The following VWF variants were observed in gnomAD, a reference collection of about 807,000 sequenced individuals.
VWF encodes Factor VIII related antigen.
VWF carries 176 observed loss-of-function variants against 308.6 expected under a neutral mutation model. That is an observed-to-expected ratio of 0.57 (90% confidence interval 0.50 to 0.65). VWF has a LOEUF of 0.65. Ranked by LOEUF, VWF falls within the 30% of genes least tolerant of loss-of-function variation. The pLI, the probability that VWF is intolerant of heterozygous loss-of-function variation, is 0.00. For missense variants in VWF, 3,146 were observed against 3,648.2 expected, an observed-to-expected ratio of 0.86 and a Z score of 3.55; for synonymous variants, 1,385 against 1,443.4, an observed-to-expected ratio of 0.96 and a Z score of 0.92.
At chr12:6,090,554 G>A (rs975097411) in intron 6 of VWF, among the ~76,000 whole-genome samples, 8 of 152,136 alleles carry the variant, frequency 5.3e-5, no homozygotes, top group African/African-American at 1.9e-4. Context: ...GGGCACTCCA[G>A]CGGAAAACAC....
At chr12:6,108,797 C>T (rs1166707230) in intron 5 of VWF, among the ~76,000 whole-genome samples, 2 of 152,012 alleles carry the variant, frequency 1.3e-5, no homozygotes, top group Admixed American at 6.6e-5. Flanking sequence ...CTGGCTAACA[C>T]AGTGAAACCC....
At chr12:6,100,030 T>C (rs1591917413) in intron 5 of VWF, among the ~76,000 whole-genome samples, 2 of 151,282 alleles carry the variant, frequency 1.3e-5, no homozygotes, top group Admixed American at 1.3e-4. Flanking sequence ...TACAATGAAC[T>C]CAAACAAATT....
rs138966048 is a variant in VWF at position 6,018,960 on chromosome 12, C to T, written c.4458G>A (p.Ser1486=). The T allele has an allele frequency of 5.2e-5, 84 of 1,613,770 alleles. No homozygotes were observed. Among genetic ancestry groups the T allele is most frequent in the Middle Eastern group, 1.6e-4 (1 of 6,078 alleles). ...TGGAGTTCCTCTTGGGCCCCAGGGT[C>T]GAAACCCCCAAGAGCCCCGGGCCCA... ...VTVGPGLLGV[S]TLGPKRNSMV... is the part of the protein sequence containing the mutation. Residue 1486 remains serine (S), a synonymous_variant, in exon 28 of 52, where the codon TCG becomes TCA. Coordinates refer to ENST00000261405, the MANE Select transcript of VWF (RefSeq NM_000552.5).
chr12:6,025,380 G>A (rs1944178958), intron 24 of VWF, among the ~76,000 whole-genome samples, 200 bp downstream of exon 24: 1 of 152,216 alleles, frequency 6.6e-6, no homozygotes, highest in Non-Finnish European at 1.5e-5. Flanking sequence ...GTTTTGCCAG[G>A]CATTGCTTCC....
At position 6,065,223 on chromosome 12, in the gene VWF, A is replaced by G; in HGVS notation, c.1207T>C (p.Tyr403His). 3.7e-6 allele frequency: 6 copies of G among 1,614,168 alleles called. No individual in the cohort carries two copies. Among genetic ancestry groups the G allele is most frequent in the Non-Finnish European group, 5.1e-6 (6 of 1,180,020 alleles). The change falls in exon 11 of 52, where the codon TAC becomes CAC. Residue 403 changes from tyrosine to histidine, a missense_variant. Physicochemically the swap from Tyr to His is moderately conservative, Grantham distance 83. This residue lies in a region of VWF where 1,304 missense variants were observed against 1,353.0 expected (regional missense o/e 0.96). Coordinates refer to ENST00000261405, the MANE Select transcript of VWF (RefSeq NM_000552.5). ...QSHFKSFDNRYFTFSGICQYL... is the reference protein window; with the variant it reads ...QSHFKSFDNRHFTFSGICQYL... ...TGGCAGATCCCACTGAAGGTGAAGT[A>G]TCTGTTGTCAAAGCTCTTGAAGTGT...
intron 22 of VWF, among the ~76,000 whole-genome samples, chr12:6,027,232 C>A (rs759784300): frequency 6.6e-6 from 1 of 152,122 alleles, no homozygotes; most frequent in Non-Finnish European, 1.5e-5. Flanking sequence ...GCCACACTGA[C>A]CTCCTTGTAC....
At chr12:6,000,922 G>GTCATAGAT (rs1943866592) in intron 34 of VWF, among the ~76,000 whole-genome samples, 1 of 151,006 alleles carries the variant, frequency 6.6e-6, no homozygotes, top group Non-Finnish European at 1.5e-5. Flanking sequence ...TATTTATATA[G>GTCATAGAT]TCATAGATCT....
chr12:5,981,153 A>C (rs544876584), intron 42 of VWF, among the ~76,000 whole-genome samples: 1 of 152,322 alleles, frequency 6.6e-6, no homozygotes, highest in East Asian at 1.9e-4. Context: ...TTGCTTAGTA[A>C]ATATTGGATG....
intron 39 of VWF, 39 bp downstream of exon 39, chr12:5,985,524 G>C (rs777977658): frequency 9.4e-6 from 15 of 1,599,334 alleles, no homozygotes; most frequent in Non-Finnish European, 1.3e-5. Context: ...AGGGGCCCTT[G>C]TTCCTCCATG....
At chr12:6,021,806 G>T (rs1334616494) in intron 27 of VWF, 94 bp downstream of exon 27, 3 of 1,448,256 alleles carry the variant, frequency 2.1e-6, no homozygotes, top group Admixed American at 1.7e-5. Flanking sequence ...CAACTCATGT[G>T]GCTAGGACTT....
chr12:5,953,643 T>C, intron 47 of VWF, 49 bp from the exon 48 acceptor site: 3 of 1,483,068 alleles, frequency 2.0e-6, no homozygotes, highest in Non-Finnish European at 2.8e-6. Flanking sequence ...CCTTAAAACA[T>C]CCCAATTGTA....
intron 42 of VWF, among the ~76,000 whole-genome samples, chr12:5,981,137 T>C (rs216865): frequency 0.61 from 92,122 of 152,196 alleles, 28,560 homozygotes; most frequent in Admixed American, 0.69. Flanking sequence ...TGTTAGAACA[T>C]AGTAGTTGCT....
At chr12:6,043,069 T>G (rs1944411349) in intron 18 of VWF, among the ~76,000 whole-genome samples, 1 of 152,206 alleles carries the variant, frequency 6.6e-6, no homozygotes, top group Non-Finnish European at 1.5e-5. Flanking sequence ...GATATCCACC[T>G]TCTGCTAAGG....
rs367805879 is a variant in VWF, at chr12:5,994,242, G to A, written c.6257-39C>T. 8 of 1,610,902 alleles carry A rather than the reference G, an allele frequency of 5.0e-6. No homozygotes were observed. In the African/African-American group the frequency reaches 6.7e-5, roughly 13 times the overall value. On this transcript the variant is annotated intron_variant, in intron 36 of 51. Coordinates refer to ENST00000261405, the MANE Select transcript of VWF (RefSeq NM_000552.5). Reference sequence around the variant, plus strand: ...CAAACAAAAAAAAGATAAACTGAGTGGCCCTGGGTACAAAAACATTGATGC... The same window carrying A: ...CAAACAAAAAAAAGATAAACTGAGTAGCCCTGGGTACAAAAACATTGATGC...
chr12:6,057,658 TA>T (rs1944601893), intron 14 of VWF, among the ~76,000 whole-genome samples, 190 bp downstream of exon 14: 1 of 147,758 alleles, frequency 6.8e-6, no homozygotes, highest in Non-Finnish European at 1.5e-5. Context: ...GGGCGCCCAA[TA>T]AAGGGACTTT....
chr12:6,076,451 G>A (rs1031961913), intron 6 of VWF, among the ~76,000 whole-genome samples: 2 of 152,190 alleles, frequency 1.3e-5, no homozygotes, highest in African/African-American at 4.8e-5. Context: ...ACAGAACAAT[G>A]GTGTGTCTTA....
In VWF at chr12:6,025,946, T is replaced by C; in HGVS notation, c.3068A>G (p.Asn1023Ser). ...QVEEDPVDFG[N>S]SWKVSSQCAD... is the part of the protein sequence containing the mutation. ...ACACTGCGAGCTCACTTTCCAGGAG[T>C]TCCCAAAGTCCACAGGGTCTTCCTC... is the stretch of plus-strand genomic sequence containing the variant. The change falls in exon 23 of 52, where the codon AAC (asparagine) becomes AGC (serine). Residue 1023 changes from asparagine to serine, a missense_variant. Transcript: ENST00000261405. The C allele has an allele frequency of 6.2e-7, 1 of 1,613,540 alleles. No individual in the cohort carries two copies. The highest frequency in any genetic ancestry group is 8.5e-7 in the Non-Finnish European group (1 of 1,179,796).
chr12:6,004,006 G>A (rs369809313), intron 34 of VWF, among the ~76,000 whole-genome samples: 12 of 151,730 alleles, frequency 7.9e-5, no homozygotes, highest in African/African-American at 2.4e-4. Context: ...TAGTAGAGAC[G>A]GGGTTTCACC....
rs755717764 is a variant in VWF, at chr12:5,990,868, TAAAAAAAAAAAAAAAAAAAAA to T, written c.6798+930_6798+950del. Among the ~76,000 whole-genome samples the T allele has an allele frequency of 5.1e-4, 16 of 31,458 alleles. No individual in the cohort carries two copies. The South Asian group carries it at 0.018, about 35-fold the overall frequency. The allele number at this position is 31,458 out of a possible 152,430, so 20.6% of individuals were successfully genotyped here. Reference sequence around the variant, plus strand: ...ATACACTCAATAACTCCCATAGAGCTAAAAAAAAAAAAAAAAAAAAAAAAAAAAAAAAAAAAAAAATTTTGA... The same window carrying T: ...ATACACTCAATAACTCCCATAGAGCTAAAAAAAAAAAAAAAAAAATTTTGA... On this transcript the variant is annotated intron_variant, in intron 38 of 51. Transcript: ENST00000261405.
Sources: gnomAD v4.1 joint callset for allele counts (sites outside exome capture counted in the v4.1 genomes callset) on GRCh38, gnomAD v4.1.1 for gene constraint, gnomAD v4.1.1 regional missense constraint, MANE v1.5 for transcripts, NCBI Gene and HGNC (gene_info 2026-07-23, HGNC 2026-07-21) for gene names.